DSCAML1: variants seen among roughly 807,000 people sequenced by gnomAD.
DSCAML1 encodes the protein DS cell adhesion molecule like 1.
In DSCAML1, 38 loss-of-function variants were observed where a neutral mutation model predicts 200.5. That is an observed-to-expected ratio of 0.19 (90% confidence interval 0.15 to 0.25). The LOEUF (loss-of-function observed/expected upper bound fraction) is 0.25, where lower values mean the gene tolerates loss of function less well. Among genes scored for constraint, DSCAML1 ranks in the 10% least tolerant of loss-of-function variants. The pLI, the probability that DSCAML1 is intolerant of heterozygous loss-of-function variation, is 1.00. For synonymous variants in DSCAML1, 1,215 were observed against 1,165.0 expected (o/e 1.04, Z -0.87); for missense variants, 2,223 against 2,858.8 (o/e 0.78, Z 5.07).
intron 3 of DSCAML1, among the ~76,000 whole-genome samples, chr11:117,620,384 TTC>T (rs541520824): frequency 1.1e-4 from 17 of 152,256 alleles, no homozygotes; most frequent in Non-Finnish European, 2.5e-4. Flanking sequence ...TCTCCTCTCT[TTC>T]TCTGTCCTCC....
chr11:117,501,703 G>T (rs978401085), intron 11 of DSCAML1, among the ~76,000 whole-genome samples: 2 of 152,108 alleles, frequency 1.3e-5, no homozygotes, highest in African/African-American at 4.8e-5. Context: ...CCATCTGAGA[G>T]CCACGCAGGA....
intron 3 of DSCAML1, among the ~76,000 whole-genome samples, chr11:117,630,885 G>T (rs1318616875): frequency 6.6e-6 from 1 of 152,066 alleles, no homozygotes; most frequent in Non-Finnish European, 1.5e-5. Flanking sequence ...GACCTCAGCA[G>T]GTCGCATGAA....
chr11:117,669,970 G>C (rs2053069551), intron 3 of DSCAML1, among the ~76,000 whole-genome samples: 1 of 152,246 alleles, frequency 6.6e-6, no homozygotes, highest in South Asian at 2.1e-4. Context: ...TGATGGCCTG[G>C]CCAAGCCTGT....
chr11:117,643,049 T>G (rs2052444063), intron 3 of DSCAML1, among the ~76,000 whole-genome samples: 1 of 152,228 alleles, frequency 6.6e-6, no homozygotes. Flanking sequence ...TCTGGTGTAC[T>G]TGTTACCTAG....
At chr11:117,676,425 G>A (rs1037882209) in intron 3 of DSCAML1, among the ~76,000 whole-genome samples, 7 of 152,204 alleles carry the variant, frequency 4.6e-5, no homozygotes, top group East Asian at 1.9e-4. Flanking sequence ...TGGGGCATGC[G>A]AGTGAGGTCT....
At chr11:117,447,825 T>G (rs2048211044) in intron 20 of DSCAML1, among the ~76,000 whole-genome samples, 1 of 152,198 alleles carries the variant, frequency 6.6e-6, no homozygotes, top group East Asian at 1.9e-4. Flanking sequence ...TACGCGCGTG[T>G]GCCCTCACCC....
Position 117,465,029 on chromosome 11 carries a change from C to T in DSCAML1, c.3178G>A (p.Ala1060Thr), listed in dbSNP as rs372736535. Reference sequence around the variant, plus strand: ...GCTTGGACCACCACCCCATACTGGGCGAACTTCTTGAGGTTGTCCAGGGTG... The same window carrying T: ...GCTTGGACCACCACCCCATACTGGGTGAACTTCTTGAGGTTGTCCAGGGTG... ...VYTLDNLKKF[A>T]QYGVVVQAFN... is the part of the protein sequence containing the mutation. Residue 1060 changes from alanine (A) to threonine (T), a missense_variant, in exon 17 of 33, where the codon GCC (alanine) becomes ACC (threonine). Around this residue, in one of 7 missense-constraint regions of DSCAML1, gnomAD observed 438 missense variants for 629.7 expected, o/e 0.70. Transcript: ENST00000651296. 2.5e-6 allele frequency: 4 copies of T among 1,614,002 alleles called. No individual in the cohort carries two copies. Among genetic ancestry groups the T allele is most frequent in the East Asian group, 4.5e-5 (2 of 44,876 alleles).
At chr11:117,564,710 C>T (rs2050724851) in intron 3 of DSCAML1, among the ~76,000 whole-genome samples, 1 of 149,052 alleles carries the variant, frequency 6.7e-6, no homozygotes, top group African/African-American at 2.5e-5. Flanking sequence ...TCCTTTCTTC[C>T]TTCTTTCCTT....
chr11:117,682,977 C>T (rs566040442), intron 3 of DSCAML1, among the ~76,000 whole-genome samples: 1 of 152,220 alleles, frequency 6.6e-6, no homozygotes, highest in African/African-American at 2.4e-5. Flanking sequence ...TCCCACTTTA[C>T]ACCATAATGT....
intron 3 of DSCAML1, among the ~76,000 whole-genome samples, chr11:117,671,434 C>T (rs11216493): frequency 0.13 from 19,332 of 152,118 alleles, 1,232 homozygotes; most frequent in Middle Eastern, 0.17. Context: ...TAAAATGTCT[C>T]CCAACAGCAG....
At chr11:117,701,498 G>A (rs887953060) in intron 3 of DSCAML1, among the ~76,000 whole-genome samples, 1 of 152,146 alleles carries the variant, frequency 6.6e-6, no homozygotes, top group Non-Finnish European at 1.5e-5. Flanking sequence ...AGCTCAGGAT[G>A]AGATGCATCT....
chr11:117,757,573 TACACACACACAC>T (rs5795104), intron 3 of DSCAML1, among the ~76,000 whole-genome samples: 10,825 of 146,536 alleles, frequency 0.074, 427 homozygotes, highest in South Asian at 0.12. Flanking sequence ...TAGGAGCCTA[TACACACACACAC>T]ACACACACAC....
At chr11:117,637,728 A>T (rs2052321557) in intron 3 of DSCAML1, among the ~76,000 whole-genome samples, 1 of 152,238 alleles carries the variant, frequency 6.6e-6, no homozygotes, top group Admixed American at 6.5e-5. Context: ...GAAAAGTGGC[A>T]AAGGAAATGA....
Position 117,450,704 on chromosome 11 carries a change from G to T in DSCAML1, c.3569-16C>A, listed in dbSNP as rs141526377. 8.3e-4 allele frequency: 1,334 copies of T among 1,611,840 alleles called. 12 individuals carry two copies. The African/African-American group carries it at 0.014, about 17-fold the overall frequency. ...GGACCTGGAACTGAGCAGGGAGAAGGCCTGGTCAGTTGAGAGAAAGCAGGA... is the reference window on the plus strand; with the variant it reads ...GGACCTGGAACTGAGCAGGGAGAAGTCCTGGTCAGTTGAGAGAAAGCAGGA... On this transcript the variant is annotated splice_polypyrimidine_tract_variant and intron_variant, in intron 19 of 32. Transcript: ENST00000651296.
intron 3 of DSCAML1, among the ~76,000 whole-genome samples, chr11:117,572,985 T>C (rs908030509): frequency 5.3e-5 from 8 of 152,174 alleles, no homozygotes; most frequent in Non-Finnish European, 1.0e-4. Flanking sequence ...ATGGTGATAA[T>C]GGTGATAACA....
chr11:117,607,666 C>CA (rs1456599702), intron 3 of DSCAML1, among the ~76,000 whole-genome samples: 7 of 152,174 alleles, frequency 4.6e-5, no homozygotes, highest in Non-Finnish European at 7.4e-5. Flanking sequence ...GCCTGGCTCT[C>CA]AGAGAGCAGC....
At chr11:117,783,944 G>A (rs1472098582) in intron 1 of DSCAML1, among the ~76,000 whole-genome samples, 1 of 152,138 alleles carries the variant, frequency 6.6e-6, no homozygotes, top group East Asian at 1.9e-4. Flanking sequence ...ACTCCCTCCA[G>A]GAGCAACAGC....
chr11:117,769,990 C>T (rs556885439), intron 3 of DSCAML1, among the ~76,000 whole-genome samples: 2 of 152,270 alleles, frequency 1.3e-5, no homozygotes, highest in East Asian at 1.9e-4. Context: ...CCCAGATCAC[C>T]CCAGCCTTTC....
intron 3 of DSCAML1, among the ~76,000 whole-genome samples, chr11:117,574,793 T>G (rs1051482410): frequency 1.3e-5 from 2 of 152,112 alleles, no homozygotes; most frequent in Non-Finnish European, 2.9e-5. Flanking sequence ...GAAAGCAGCA[T>G]GTGCAAAGAG....
Sources: allele counts gnomAD v4.1 joint callset (sites outside exome capture counted in the v4.1 genomes callset), GRCh38; gene constraint gnomAD v4.1.1; regional missense constraint gnomAD v4.1.1; transcripts MANE v1.5; gene names NCBI Gene and HGNC (gene_info 2026-07-23, HGNC 2026-07-21).